ZBED4: variants seen among roughly 807,000 people sequenced by gnomAD.
ZBED4 encodes zinc finger BED-type containing 4, also known as zinc finger BED domain-containing protein 4.
A neutral mutation model predicts 15.5 loss-of-function variants in ZBED4; 4 were observed. The observed-to-expected ratio is 0.26, with a 90% CI of 0.13 to 0.59. The LOEUF is 0.59. Ranked by LOEUF, ZBED4 falls within the 20% of genes least tolerant of loss-of-function variation. The pLI is 0.90. For synonymous variants in ZBED4, 692 were observed against 608.5 expected (o/e 1.14, Z -2.02); for missense variants, 1,323 against 1,461.8 (o/e 0.91, Z 1.55).
intron 1 of ZBED4, among the ~76,000 whole-genome samples, chr22:49,860,677 T>G (rs1192752749): frequency 6.6e-6 from 1 of 152,230 alleles, no homozygotes; most frequent in Non-Finnish European, 1.5e-5. Flanking sequence ...ATTTTTAGAT[T>G]TAGGATTTTT....
Position 49,884,807 on chromosome 22 carries a change from A to G in ZBED4, c.1145A>G (p.Glu382Gly), listed in dbSNP as rs139902588. Residue 382 changes from glutamate to glycine, a missense_variant, in exon 2 of 2, where the codon GAG becomes GGG. Transcript: ENST00000216268. ...TCGTCTCCAGTAAAGCCGGTCAGAG[A>G]GTCCCCTTCGGCCTCCTCCTCCCCT... ...VSSSPVKPVR[E>G]SPSASSSPDR... 1.6e-5 allele frequency: 25 copies of G among 1,610,100 alleles called. No homozygotes were observed. In the Middle Eastern group the frequency reaches 8.3e-4, roughly 53 times the overall value.
upstream of ZBED4, among the ~76,000 whole-genome samples, chr22:49,853,569 A>C (rs1292186537): frequency 6.6e-6 from 1 of 151,988 alleles, no homozygotes; most frequent in Non-Finnish European, 1.5e-5. Flanking sequence ...AGAGCGCCTA[A>C]GCCCTTCCCG....
chr22:49,854,017 C>T (rs1411645266), intron 1 of ZBED4, 28 bp downstream of exon 1: 1 of 145,132 alleles, frequency 6.9e-6, no homozygotes, highest in South Asian at 2.1e-4. Flanking sequence ...GCCGCCCCGC[C>T]GCCTGCCGCG....
Position 49,860,431 on chromosome 22 carries a change from A to C in ZBED4, c.-330+6442A>C, listed in dbSNP as rs375973440. ...TTGTTTTGTGCTAAAATGTGCATAC[A>C]GTAGGTTGTAGAATTACAATACCAC... On this transcript the variant is annotated intron_variant, in intron 1 of 1. Coordinates refer to ENST00000216268, the MANE Select transcript of ZBED4 (RefSeq NM_014838.3). Among the ~76,000 whole-genome samples the C allele has an allele frequency of 2.0e-4, 31 of 152,388 alleles. No homozygotes were observed. The East Asian group carries it at 4.0e-3, about 20-fold the overall frequency.
chr22:49,885,638 C>A lies in ZBED4; in HGVS notation c.1976C>A (p.Thr659Lys), dbSNP rs1334337377. Reference protein sequence around the residue: ...YDSHPVAKKITSLIAEMIALD... With the variant: ...YDSHPVAKKIKSLIAEMIALD... ...TCTCACCCAGTTGCCAAAAAAATCA[C>A]AAGTCTCATAGCTGAAATGATTGCA... Residue 659 changes from threonine (T) to lysine (K), a missense_variant, in exon 2 of 2, where the codon ACA becomes AAA. Physicochemically the swap from Thr to Lys is moderately conservative, Grantham distance 78. Around this residue, in one of 6 missense-constraint regions of ZBED4, gnomAD observed 89 missense variants for 129.8 expected, o/e 0.69. Coordinates refer to ENST00000216268, the MANE Select transcript of ZBED4 (RefSeq NM_014838.3). 1 of 1,612,180 alleles carries A rather than the reference C, an allele frequency of 6.2e-7. No homozygotes were observed.
chr22:49,871,791 G>A (rs2060349544), intron 1 of ZBED4, among the ~76,000 whole-genome samples: 1 of 147,478 alleles, frequency 6.8e-6, no homozygotes, highest in Non-Finnish European at 1.5e-5. Context: ...GTCTTACTCT[G>A]TCGCCCAGGG....
At chr22:49,880,268 G>A (rs73441802) in intron 1 of ZBED4, among the ~76,000 whole-genome samples, 15,498 of 152,186 alleles carry the variant, frequency 0.1, 1,030 homozygotes, top group African/African-American at 0.18. Flanking sequence ...GCTGTTCCCA[G>A]CCTCCAGGGA....
Position 49,885,470 on chromosome 22 carries a change from A to G in ZBED4, c.1808A>G (p.His603Arg). 1 of 1,612,646 alleles carries G rather than the reference A, an allele frequency of 6.2e-7. No homozygotes were observed. The change falls in exon 2 of 2, where the codon CAT becomes CGT. Residue 603 changes from histidine (H) to arginine (R), a missense_variant. By Grantham distance (29) the His-to-Arg change is conservative. Transcript: ENST00000216268. ...TTGGGTACCAGCTGTCTTCTGAGAC[A>G]TTTACAGCGGTTCCATAGCAACGTG... ...TNLGTSCLLR[H>R]LQRFHSNVLK...
chr22:49,884,100 CA>C lies in ZBED4; in HGVS notation c.443del (p.Asn148ThrfsTer5). ...ACTGTGTGAAGGAGTTCAGCAGAGG[CA>C]AAAACGAGAAAGACTTGAGTACCAG... is the stretch of plus-strand genomic sequence containing the variant. ...MYCVKEFSRG[K>X]NEKDLSTSCL... On this transcript the variant is annotated frameshift_variant, in exon 2 of 2. Transcript: ENST00000216268. LOFTEE classifies it low-confidence loss of function (END_TRUNC). The C allele has an allele frequency of 1.2e-6, 2 of 1,612,926 alleles. No homozygotes were observed. Among genetic ancestry groups the C allele is most frequent in the Non-Finnish European group, 1.7e-6 (2 of 1,179,526 alleles).
chr22:49,856,519 C>G (rs918278362), intron 1 of ZBED4, among the ~76,000 whole-genome samples: 2 of 152,238 alleles, frequency 1.3e-5, no homozygotes, highest in Admixed American at 6.5e-5. Context: ...CTCACGGCAT[C>G]CCAGTGCGTA....
chr22:49,873,564 G>A (rs577927163), intron 1 of ZBED4, among the ~76,000 whole-genome samples: 2 of 152,342 alleles, frequency 1.3e-5, no homozygotes, highest in Admixed American at 6.5e-5. Flanking sequence ...GTGACACACA[G>A]GTGGAGAGCC....
In ZBED4 at chr22:49,887,013, G is replaced by A; in HGVS notation, c.3351G>A (p.Leu1117=). The A allele has an allele frequency of 6.2e-7, 1 of 1,614,080 alleles. No homozygotes were observed. Among genetic ancestry groups the A allele is most frequent in the Non-Finnish European group, 8.5e-7 (1 of 1,180,030 alleles). The change falls in exon 2 of 2, where the codon CTG becomes CTA. Residue 1117 remains leucine (L), a synonymous_variant. Coordinates refer to ENST00000216268, the MANE Select transcript of ZBED4 (RefSeq NM_014838.3). ...CGTCCTGGCCGGGGCTGTCCGCGCT[G>A]GCCGTCAGATTTTTGGGCTGCCCCC... The part of the protein sequence containing the change: ...KKASWPGLSA[L]AVRFLGCPPS...
chr22:49,862,818 C>T (rs1477770428), intron 1 of ZBED4, among the ~76,000 whole-genome samples: 2 of 148,576 alleles, frequency 1.3e-5, no homozygotes, highest in African/African-American at 4.9e-5. Context: ...TCTCCTGCCT[C>T]AGTTTCCTGA....
chr22:49,861,771 T>G (rs1320097181), intron 1 of ZBED4, among the ~76,000 whole-genome samples: 4 of 152,210 alleles, frequency 2.6e-5, no homozygotes, highest in Non-Finnish European at 5.9e-5. Flanking sequence ...AGCACATGTA[T>G]GAATGTGTGG....
intron 1 of ZBED4, among the ~76,000 whole-genome samples, chr22:49,870,236 C>T (rs926473882): frequency 3.3e-5 from 5 of 152,148 alleles, no homozygotes; most frequent in African/African-American, 9.7e-5. Flanking sequence ...TTGCTAGGCA[C>T]GTAGGTTGAT....
intron 1 of ZBED4, among the ~76,000 whole-genome samples, chr22:49,861,182 C>G (rs1016541377): frequency 1.3e-5 from 2 of 152,166 alleles, no homozygotes; most frequent in African/African-American, 2.4e-5. Context: ...GCTGTTGACA[C>G]TGTGTGTGTC....
At chr22:49,878,316 A>AAAC (rs1300387541) in intron 1 of ZBED4, among the ~76,000 whole-genome samples, 1 of 151,748 alleles carries the variant, frequency 6.6e-6, no homozygotes, top group Admixed American at 6.6e-5. Flanking sequence ...AAAAAAAAAA[A>AAAC]AAAGTCTTCA....
chr22:49,876,270 A>G lies in ZBED4; in HGVS notation c.-329-7064A>G, dbSNP rs575930648. Among the ~76,000 whole-genome samples, 6 of 152,350 alleles carry G rather than the reference A, an allele frequency of 3.9e-5. No homozygotes were observed. The East Asian group carries it at 1.2e-3, about 29-fold the overall frequency. ...GTATTCCGTTGTTGTTGGACTGCTC[A>G]ATAAATGCCCATTAGGTCAACTTGG... is the stretch of plus-strand genomic sequence containing the variant. On this transcript the variant is annotated intron_variant, in intron 1 of 1. Transcript: ENST00000216268.
chr22:49,854,543 GC>G (rs2060266732), intron 1 of ZBED4, among the ~76,000 whole-genome samples: 1 of 152,244 alleles, frequency 6.6e-6, no homozygotes, highest in African/African-American at 2.4e-5. Context: ...AATGTAACTT[GC>G]CTTGCGAACC....
Sources: gnomAD v4.1 joint callset for allele counts (sites outside exome capture counted in the v4.1 genomes callset) on GRCh38, gnomAD v4.1.1 for gene constraint, gnomAD v4.1.1 regional missense constraint, MANE v1.5 for transcripts, NCBI Gene and HGNC (gene_info 2026-07-23, HGNC 2026-07-21) for gene names.